Variants in ACACA observed in about 807,000 individuals in gnomAD.
ACACA encodes the protein acetyl-CoA carboxylase alpha.
Under a neutral mutation model 296.1 loss-of-function variants are expected in ACACA, and 103 were observed. The ratio of observed to expected loss-of-function variants is 0.35; its 90% confidence interval spans 0.30 to 0.41. The LOEUF is 0.41. ACACA is among the 10% of genes least tolerant of loss of function. ACACA has a pLI of 1.00. For synonymous variants in ACACA, 953 were observed against 1,038.6 expected, an observed-to-expected ratio of 0.92 and a Z score of 1.58; for missense variants, 1,554 against 2,989.7, an observed-to-expected ratio of 0.52 and a Z score of 11.20.
chr17:37,240,348 CTG>C (rs1318790722), intron 24 of ACACA, 126 bp downstream of exon 24: 10 of 758,616 alleles, frequency 1.3e-5, no homozygotes, highest in African/African-American at 3.4e-5. Context: ...TGATAGGAGA[CTG>C]TTTATTAATG....
Position 37,169,394 on chromosome 17 carries a change from G to A in ACACA, c.5080-7344C>T, listed in dbSNP as rs2076801964. 2.0e-5 allele frequency among the ~76,000 whole-genome samples: 3 copies of A among 152,266 alleles called. No individual in the cohort carries two copies. In the South Asian group the frequency reaches 6.2e-4, roughly 32 times the overall value. On this transcript the variant is annotated intron_variant, in intron 41 of 55. Transcript: ENST00000616317. ...TCTGTCTGATGATGAAAACTAGATTGAAAAATGCTTCCCTCTGCCCTTGTT... is the reference window on the plus strand; with the variant it reads ...TCTGTCTGATGATGAAAACTAGATTAAAAAATGCTTCCCTCTGCCCTTGTT...
At chr17:37,379,244 G>T (rs2050139322) in intron 1 of ACACA, 2 of 1,614,000 alleles carry the variant, frequency 1.2e-6, no homozygotes, top group Non-Finnish European at 1.7e-6. Flanking sequence ...TGTATATTTG[G>T]AGAGAAGGCC....
rs1345959344 is a variant in ACACA, at chr17:37,351,474, A to C, written c.39-11624T>G. ...GAGTGAGACTCTGTCTCAAAAAATA[A>C]ATAAACAAATAAAATAAAATGTTGA... is the stretch of plus-strand genomic sequence containing the variant. On this transcript the variant is annotated intron_variant, in intron 1 of 55. Transcript: ENST00000616317. 3.3e-5 allele frequency among the ~76,000 whole-genome samples: 5 copies of C among 152,342 alleles called. No individual in the cohort carries two copies. The South Asian group carries it at 6.2e-4, about 19-fold the overall frequency.
chr17:37,193,978 G>A (rs902342348), intron 35 of ACACA, among the ~76,000 whole-genome samples: 1 of 152,112 alleles, frequency 6.6e-6, no homozygotes, highest in African/African-American at 2.4e-5. Flanking sequence ...GTATAGGAAA[G>A]AATAAGGTTA....
At chr17:37,278,853 T>A (rs187543846) in intron 5 of ACACA, among the ~76,000 whole-genome samples, 1 of 152,210 alleles carries the variant, frequency 6.6e-6, no homozygotes, top group Admixed American at 6.5e-5. Context: ...TTACTAATAA[T>A]AAATTTATTT....
At chr17:37,304,036 A>G (rs2083754444) in intron 3 of ACACA, among the ~76,000 whole-genome samples, 2 of 152,142 alleles carry the variant, frequency 1.3e-5, no homozygotes, top group African/African-American at 4.8e-5. Flanking sequence ...TTTAATTTGC[A>G]TTTTCCTAAT....
At chr17:37,200,688 A>T (rs2078208480) in intron 33 of ACACA, among the ~76,000 whole-genome samples, 1 of 152,202 alleles carries the variant, frequency 6.6e-6, no homozygotes, top group Non-Finnish European at 1.5e-5. Context: ...TTTTATATTG[A>T]TTTGGACAAA....
chr17:37,243,731 G>A (rs2080538077), intron 21 of ACACA, among the ~76,000 whole-genome samples, 172 bp from the exon 22 acceptor site: 1 of 152,078 alleles, frequency 6.6e-6, no homozygotes, highest in Non-Finnish European at 1.5e-5. Context: ...AATAGTTGTG[G>A]GTTCCATATC....
intron 52 of ACACA, among the ~76,000 whole-genome samples, chr17:37,100,643 A>C (rs575189393): frequency 1.2e-4 from 19 of 152,208 alleles, no homozygotes; most frequent in African/African-American, 4.3e-4. Flanking sequence ...AAAAAAAAAA[A>C]AAAACTAAAA....
chr17:37,185,665 T>C (rs549552961), intron 39 of ACACA, among the ~76,000 whole-genome samples: 1 of 151,802 alleles, frequency 6.6e-6, no homozygotes, highest in Admixed American at 6.6e-5. Flanking sequence ...GCCTCCCGGG[T>C]TCTAGCAATT....
intron 23 of ACACA, 25 bp from the exon 24 acceptor site, chr17:37,240,589 GA>G: frequency 1.3e-6 from 2 of 1,595,738 alleles, no homozygotes; most frequent in Non-Finnish European, 8.5e-7. Context: ...AGTCTCCACT[GA>G]AAAACCTGAC....
At chr17:37,405,716 G>A (rs940462067) in intron 1 of ACACA, among the ~76,000 whole-genome samples, 22 of 151,904 alleles carry the variant, frequency 1.4e-4, no homozygotes, top group Non-Finnish European at 3.2e-4. Context: ...CCACACCCGC[G>A]TAATTTTTTG....
intron 52 of ACACA, among the ~76,000 whole-genome samples, chr17:37,103,857 C>A (rs959320291): frequency 6.6e-6 from 1 of 152,000 alleles, no homozygotes; most frequent in African/African-American, 2.4e-5. Flanking sequence ...GGCAACAGAG[C>A]GAGACCCTGT....
intron 47 of ACACA, among the ~76,000 whole-genome samples, chr17:37,126,658 C>T (rs2074802174): frequency 6.6e-6 from 1 of 152,130 alleles, no homozygotes; most frequent in Non-Finnish European, 1.5e-5. Flanking sequence ...AACCCAAGTC[C>T]AAAACCAATT....
At chr17:37,245,909 T>A (rs2080674532) in intron 19 of ACACA, among the ~76,000 whole-genome samples, 1 of 152,206 alleles carries the variant, frequency 6.6e-6, no homozygotes, top group South Asian at 2.1e-4. Context: ...CATTACTTCT[T>A]TAGCACCTTT....
chr17:37,327,489 A>G (rs529920948), intron 3 of ACACA, among the ~76,000 whole-genome samples: 1 of 152,354 alleles, frequency 6.6e-6, no homozygotes, highest in African/African-American at 2.4e-5. Flanking sequence ...AGCTACGGAC[A>G]TGATTTTTGC....
chr17:37,216,159 A>ACAC (rs1598205866), intron 29 of ACACA, among the ~76,000 whole-genome samples: 2,029 of 90,828 alleles, frequency 0.022, 41 homozygotes, highest in African/African-American at 0.071. Flanking sequence ...CACACACACA[A>ACAC]CATACACATG....
At chr17:37,129,261 T>G (rs540432735) in intron 47 of ACACA, 104 bp downstream of exon 47, 16 of 1,502,130 alleles carry the variant, frequency 1.1e-5, no homozygotes, top group Non-Finnish European at 1.2e-5. Flanking sequence ...TACTTACCTC[T>G]GTTTTCTTAG....
At chr17:37,272,629 T>C (rs1312509883) in intron 9 of ACACA, among the ~76,000 whole-genome samples, 2 of 151,970 alleles carry the variant, frequency 1.3e-5, no homozygotes, top group African/African-American at 4.8e-5. Flanking sequence ...TAAAAATATA[T>C]GAAAGCTTTA....
Sources: allele counts gnomAD v4.1 joint callset (sites outside exome capture counted in the v4.1 genomes callset), GRCh38; gene constraint gnomAD v4.1.1; transcripts MANE v1.5; gene names NCBI Gene and HGNC (gene_info 2026-07-23, HGNC 2026-07-21).